The following RIMS2 variants were observed in gnomAD, a reference collection of about 807,000 sequenced individuals.
RIMS2 encodes the protein regulating synaptic membrane exocytosis 2, also known as regulating synaptic membrane exocytosis protein 2.
In RIMS2, 59 loss-of-function variants were observed where a neutral mutation model predicts 174.4. The observed-to-expected ratio is 0.34, with a 90% CI of 0.27 to 0.42. RIMS2 has a LOEUF of 0.42. Ranked by LOEUF, RIMS2 falls within the 10% of genes least tolerant of loss-of-function variation. The pLI is 1.00. For missense variants in RIMS2, 1,620 were observed against 1,666.3 expected (o/e 0.97, Z 0.48); for synonymous variants, 606 against 572.5 (o/e 1.06, Z -0.84).
intron 19 of RIMS2, among the ~76,000 whole-genome samples, chr8:104,225,812 A>G (rs958974140): frequency 1.3e-5 from 2 of 152,164 alleles, no homozygotes; most frequent in African/African-American, 4.8e-5. Context: ...ACAGTTCTCT[A>G]CTAGTAACTA....
intron 3 of RIMS2, among the ~76,000 whole-genome samples, chr8:103,856,533 T>C (rs1332258538): frequency 6.6e-6 from 1 of 152,252 alleles, no homozygotes; most frequent in African/African-American, 2.4e-5. Flanking sequence ...CAATTGTAAC[T>C]GATTAATTTG....
chr8:103,698,472 A>G (rs1442949288), intron 2 of RIMS2, among the ~76,000 whole-genome samples: 1 of 152,110 alleles, frequency 6.6e-6, no homozygotes, highest in Non-Finnish European at 1.5e-5. Flanking sequence ...ATTTTGCCAA[A>G]TGTGTTTTCT....
At chr8:104,193,194 A>G (rs908606275) in intron 19 of RIMS2, among the ~76,000 whole-genome samples, 4 of 152,148 alleles carry the variant, frequency 2.6e-5, no homozygotes, top group African/African-American at 4.8e-5. Flanking sequence ...ATTGTTTTAT[A>G]TAACTCATAA....
chr8:103,932,742 T>G (rs72681380), intron 12 of RIMS2, among the ~76,000 whole-genome samples: 19,328 of 152,258 alleles, frequency 0.13, 1,698 homozygotes, highest in Non-Finnish European at 0.19. Flanking sequence ...CCTCTTTCTG[T>G]ATTCTGACCA....
rs1330010559 is a variant in RIMS2, at chr8:103,753,590, T to C, written c.388-12637T>C. 2.6e-5 allele frequency among the ~76,000 whole-genome samples: 4 copies of C among 152,218 alleles called. No individual in the cohort carries two copies. In the East Asian group the frequency reaches 7.7e-4, roughly 29 times the overall value. On this transcript the variant is annotated intron_variant, in intron 2 of 23. Transcript: ENST00000504942. ...TTTTTGGTTAGGAAGCTATTAGTTA[T>C]TGCCTCAATTTCAGAGCCTATTATT... is the stretch of plus-strand genomic sequence containing the variant.
At chr8:104,042,407 G>A (rs1163662251) in intron 19 of RIMS2, among the ~76,000 whole-genome samples, 1 of 151,548 alleles carries the variant, frequency 6.6e-6, no homozygotes, top group East Asian at 1.9e-4. Context: ...AGATTACTTT[G>A]GCAGTTATAT....
chr8:103,703,500 G>T (rs1417997148), intron 2 of RIMS2, among the ~76,000 whole-genome samples: 1 of 152,090 alleles, frequency 6.6e-6, no homozygotes, highest in Non-Finnish European at 1.5e-5. Flanking sequence ...GACTCCCAAA[G>T]TGCTGGAATT....
intron 17 of RIMS2, among the ~76,000 whole-genome samples, chr8:104,005,920 A>ACTATGTTCTATGAT (rs1227964686): frequency 1.3e-5 from 2 of 151,880 alleles, no homozygotes; most frequent in Non-Finnish European, 2.9e-5. Context: ...TAGAACATAG[A>ACTATGTTCTATGAT]CTATGTTCTA....
At chr8:103,829,084 A>AG (rs2098809124) in intron 3 of RIMS2, among the ~76,000 whole-genome samples, 1 of 102,808 alleles carries the variant, frequency 9.7e-6, no homozygotes, top group Admixed American at 1.2e-4. Context: ...ATTTAATAAT[A>AG]GGTTTTTTTT....
At chr8:103,861,236 T>G (rs530971835) in intron 3 of RIMS2, among the ~76,000 whole-genome samples, 2 of 152,158 alleles carry the variant, frequency 1.3e-5, no homozygotes, top group Admixed American at 6.5e-5. Flanking sequence ...TGCTATTCGA[T>G]TTTCTGTTTC....
At chr8:103,919,406 A>T (rs925641143) in intron 9 of RIMS2, among the ~76,000 whole-genome samples, 1 of 152,102 alleles carries the variant, frequency 6.6e-6, no homozygotes, top group Admixed American at 6.6e-5. Context: ...CAAATTGCAT[A>T]GTCTATATAA....
At chr8:103,794,697 T>TA in intron 3 of RIMS2, among the ~76,000 whole-genome samples, 1 of 152,324 alleles carries the variant, frequency 6.6e-6, no homozygotes, top group Non-Finnish European at 1.5e-5. Context: ...GACAAAGGGC[T>TA]AATATCCAGA....
In RIMS2 at chr8:103,604,038, A is replaced by G. The variant is rs1339292611; in HGVS notation, c.177-93048A>G. On this transcript the variant is annotated intron_variant, in intron 1 of 23. Transcript: ENST00000504942. ...TTTGTCTATTTTGTCTTTTGTTGCCATTGCTTTTGGTGTTTTAGACATGAA... is the reference window on the plus strand; with the variant it reads ...TTTGTCTATTTTGTCTTTTGTTGCCGTTGCTTTTGGTGTTTTAGACATGAA... Among the ~76,000 whole-genome samples, 1,000 of 149,702 alleles carry G rather than the reference A, an allele frequency of 6.7e-3. 18 individuals are homozygous for G. The highest frequency in any genetic ancestry group is 0.04 in the East Asian group (207 of 5,160).
intron 11 of RIMS2, among the ~76,000 whole-genome samples, chr8:103,929,250 A>G (rs2079400165): frequency 6.6e-6 from 1 of 151,780 alleles, no homozygotes; most frequent in South Asian, 2.1e-4. Context: ...AGTAACTGAT[A>G]ATATTCAGGT....
At chr8:103,610,172 C>A (rs948006648) in intron 1 of RIMS2, among the ~76,000 whole-genome samples, 1 of 151,956 alleles carries the variant, frequency 6.6e-6, no homozygotes, top group Admixed American at 6.6e-5. Context: ...GGTTTTTGTA[C>A]ATTGATTTTG....
chr8:103,591,058 T>C (rs1228448448), intron 1 of RIMS2, among the ~76,000 whole-genome samples: 1 of 150,842 alleles, frequency 6.6e-6, no homozygotes, highest in African/African-American at 2.4e-5. Flanking sequence ...AAAAAAGGTA[T>C]AAGAGTTCTG....
At chr8:103,669,812 T>C (rs1311661811) in intron 1 of RIMS2, among the ~76,000 whole-genome samples, 1 of 152,218 alleles carries the variant, frequency 6.6e-6, no homozygotes, top group Non-Finnish European at 1.5e-5. Context: ...TCCGGCTGCT[T>C]TCATGGGCTG....
intron 1 of RIMS2, among the ~76,000 whole-genome samples, chr8:103,582,727 A>T (rs1020146751): frequency 2.0e-5 from 3 of 152,120 alleles, no homozygotes; most frequent in Non-Finnish European, 2.9e-5. Flanking sequence ...GGAAGAGTGG[A>T]AAGGATTGTG....
At chr8:104,179,936 A>C (rs886507933) in intron 19 of RIMS2, among the ~76,000 whole-genome samples, 1 of 151,858 alleles carries the variant, frequency 6.6e-6, no homozygotes, top group South Asian at 2.1e-4. Flanking sequence ...AGACTTTATC[A>C]TACATTCCAG....
Sources: allele counts gnomAD v4.1 joint callset (sites outside exome capture counted in the v4.1 genomes callset), GRCh38; gene constraint gnomAD v4.1.1; transcripts MANE v1.5; gene names NCBI Gene and HGNC (gene_info 2026-07-23, HGNC 2026-07-21).